The following SLC7A6 variants were observed in gnomAD, a reference collection of about 807,000 sequenced individuals.
The protein encoded by SLC7A6 is solute carrier family 7 member 6, also known as Y+L amino acid transporter 2.
A neutral mutation model predicts 46.6 loss-of-function variants in SLC7A6; 29 were observed. That is an observed-to-expected ratio of 0.62 (90% confidence interval 0.46 to 0.85). SLC7A6 has a LOEUF of 0.85. Among genes scored for constraint, SLC7A6 ranks in the 40% least tolerant of loss-of-function variants. SLC7A6 has a pLI of 0.00. For synonymous variants in SLC7A6, 276 were observed against 257.3 expected, an observed-to-expected ratio of 1.07 and a Z score of -0.70; for missense variants, 527 against 647.6, an observed-to-expected ratio of 0.81 and a Z score of 2.02.
At chr16:68,295,814 ACCTGACTTCAGAGG>A (rs2043153182) in intron 8 of SLC7A6, among the ~76,000 whole-genome samples, 3 of 152,236 alleles carry the variant, frequency 2.0e-5, no homozygotes, top group Non-Finnish European at 4.4e-5. Flanking sequence ...CAGGTCCAAC[ACCTGACTTCAGAGG>A]CCTGAAATGC....
At chr16:68,277,546 C>G (rs772193388) in intron 3 of SLC7A6, among the ~76,000 whole-genome samples, 8 of 151,864 alleles carry the variant, frequency 5.3e-5, no homozygotes, top group Non-Finnish European at 1.0e-4. Context: ...GTCCTGACCT[C>G]GTGATCCGCC....
chr16:68,284,698 G>A, intron 3 of SLC7A6: 3 of 972,598 alleles, frequency 3.1e-6, no homozygotes, highest in Non-Finnish European at 3.7e-6. Context: ...CCTTGGAGCT[G>A]CAAACCAGAA....
chr16:68,289,324 A>T (rs1360731834), intron 4 of SLC7A6, among the ~76,000 whole-genome samples: 1 of 152,102 alleles, frequency 6.6e-6, no homozygotes, highest in Non-Finnish European at 1.5e-5. Flanking sequence ...GAAAAAAAGA[A>T]TTGCCCTTGT....
intron 3 of SLC7A6, among the ~76,000 whole-genome samples, chr16:68,278,149 G>A (rs1407610945): frequency 6.6e-6 from 1 of 151,262 alleles, no homozygotes; most frequent in Non-Finnish European, 1.5e-5. Flanking sequence ...TACAGACGGG[G>A]TTTCACCATG....
At chr16:68,272,081 GC>G (rs1224340403) in intron 2 of SLC7A6, among the ~76,000 whole-genome samples, 9 of 152,154 alleles carry the variant, frequency 5.9e-5, no homozygotes, top group South Asian at 2.1e-4. Context: ...GGGATTACAG[GC>G]GTGAGCCACT....
chr16:68,284,538 A>G (rs2042889193), intron 3 of SLC7A6: 1 of 470,470 alleles, frequency 2.1e-6, no homozygotes, highest in Non-Finnish European at 2.8e-6. Context: ...TTTAGCACAT[A>G]GTTGAATTTC....
At chr16:68,270,266 T>G (rs1325197836) in intron 2 of SLC7A6, among the ~76,000 whole-genome samples, 3 of 152,152 alleles carry the variant, frequency 2.0e-5, no homozygotes, top group African/African-American at 7.2e-5. Flanking sequence ...TGGGTGCTCC[T>G]GCCCTTTTCC....
In SLC7A6 at chr16:68,296,720, A is replaced by C; in HGVS notation, c.1363A>C (p.Ile455Leu). Residue 455 changes from isoleucine (I) to leucine (L), a missense_variant, in exon 10 of 11, where the codon ATC (isoleucine) becomes CTC (leucine). Transcript: ENST00000219343. ...FTDTINSLIG[I>L]GIALSGVPFY... is the part of the protein sequence containing the mutation. ...TGACACCATTAATTCCCTCATTGGC[A>C]TCGGGATTGCCCTTTCTGGAGTCCC... 2 of 1,614,176 alleles carry C rather than the reference A, an allele frequency of 1.2e-6. No homozygotes were observed. Among genetic ancestry groups the C allele is most frequent in the Non-Finnish European group, 8.5e-7 (1 of 1,180,044 alleles).
intron 5 of SLC7A6, 72 bp downstream of exon 5, chr16:68,290,612 C>A: frequency 6.4e-7 from 1 of 1,551,706 alleles, no homozygotes; most frequent in Non-Finnish European, 8.9e-7. Flanking sequence ...TGCCTGCCCT[C>A]ATCCTTCTCC....
intron 3 of SLC7A6, among the ~76,000 whole-genome samples, chr16:68,282,198 T>C (rs192083834): frequency 3.9e-5 from 6 of 152,292 alleles, no homozygotes; most frequent in Non-Finnish European, 8.8e-5. Context: ...GTCTTGATCA[T>C]AGTTGTTTCA....
intron 2 of SLC7A6, among the ~76,000 whole-genome samples, 163 bp from the exon 3 acceptor site, chr16:68,274,525 ACTT>A (rs2042674574): frequency 6.6e-6 from 1 of 152,156 alleles, no homozygotes; most frequent in African/African-American, 2.4e-5. Flanking sequence ...AGGTCTACCC[ACTT>A]CTATTTCCCT....
At chr16:68,291,977 C>CTGG in intron 7 of SLC7A6, 1 of 289,732 alleles carries the variant, frequency 3.5e-6, no homozygotes, top group Non-Finnish European at 6.5e-6. Flanking sequence ...TGTTTATGTG[C>CTGG]TGGTAGCTCA....
At chr16:68,283,744 G>A (rs1047052772) in intron 3 of SLC7A6, among the ~76,000 whole-genome samples, 43 of 152,196 alleles carry the variant, frequency 2.8e-4, no homozygotes, top group African/African-American at 9.6e-4. Flanking sequence ...TGGGTCCCAC[G>A]CTCCTTGGTG....
chr16:68,291,199 G>A lies in SLC7A6; in HGVS notation c.795-10G>A. 1 of 1,614,168 alleles carries A rather than the reference G, an allele frequency of 6.2e-7. No individual in the cohort carries two copies. Among genetic ancestry groups the A allele is most frequent in the Non-Finnish European group, 8.5e-7 (1 of 1,180,020 alleles). On this transcript the variant is annotated splice_polypyrimidine_tract_variant and intron_variant, in intron 5 of 10. Coordinates refer to ENST00000219343, the MANE Select transcript of SLC7A6 (RefSeq NM_003983.6). The stretch of plus-strand genomic sequence containing the variant: ...GGTTCTAGGTAGTCCTTTCTCACTT[G>A]TCCTGACAGAAATTTGCCCTTGGCC...
At chr16:68,288,072 C>T (rs574322500) in intron 4 of SLC7A6, among the ~76,000 whole-genome samples, 14 of 152,236 alleles carry the variant, frequency 9.2e-5, no homozygotes, top group African/African-American at 3.4e-4. Flanking sequence ...TCAGCCTGTC[C>T]CTCAGGGCTG....
At chr16:68,278,991 C>T (rs150295756) in intron 3 of SLC7A6, among the ~76,000 whole-genome samples, 1 of 151,916 alleles carries the variant, frequency 6.6e-6, no homozygotes, top group African/African-American at 2.4e-5. Flanking sequence ...GGCTGCCCCC[C>T]ACCTCCCTCC....
chr16:68,294,667 A>C, intron 7 of SLC7A6, 38 bp from the exon 8 acceptor site: 1 of 1,401,034 alleles, frequency 7.1e-7, no homozygotes, highest in East Asian at 2.3e-5. Context: ...GAGTAAAAGG[A>C]GTAAAGGATC....
intron 3 of SLC7A6, among the ~76,000 whole-genome samples, chr16:68,279,205 AGTGGT>A (rs2042784290): frequency 2.7e-5 from 4 of 150,922 alleles, no homozygotes; most frequent in Admixed American, 2.6e-4. Context: ...TGGCAGTGGC[AGTGGT>A]GTGCATCTGT....
At chr16:68,294,963 C>T (rs921082790) in intron 8 of SLC7A6, 162 bp downstream of exon 8, 50 of 547,848 alleles carry the variant, frequency 9.1e-5, no homozygotes, top group Non-Finnish European at 1.3e-4. Flanking sequence ...GGTTTTATTA[C>T]GTTTAATTTT....
Sources: allele counts gnomAD v4.1 joint callset (sites outside exome capture counted in the v4.1 genomes callset), GRCh38; gene constraint gnomAD v4.1.1; transcripts MANE v1.5; gene names NCBI Gene and HGNC (gene_info 2026-07-23, HGNC 2026-07-21).